Variants in CORO6 observed in about 807,000 individuals in gnomAD.
The protein encoded by CORO6 is coronin-6.
A neutral mutation model predicts 49.0 loss-of-function variants in CORO6; 43 were observed. That is an observed-to-expected ratio of 0.88 (90% CI 0.69 to 1.13). The LOEUF (loss-of-function observed/expected upper bound fraction) is 1.13. CORO6 is among the 50% of genes most tolerant of loss of function. The pLI, the probability that CORO6 is intolerant of heterozygous loss-of-function variation, is 0.00. For missense variants in CORO6, 650 were observed against 647.0 expected (o/e 1.00, Z -0.05); for synonymous variants, 233 against 256.5 (o/e 0.91, Z 0.88).
In CORO6 at chr17:29,615,675, C is replaced by T; in HGVS notation, c.*57G>A. 7.0e-7 allele frequency: 1 copy of T among 1,435,724 alleles called. No homozygotes were observed. Among genetic ancestry groups the T allele is most frequent in the African/African-American group, 1.5e-5 (1 of 68,732 alleles). The allele number at this position is 1,435,724 out of a possible 1,614,324, so 88.9% of individuals were successfully genotyped here. A position where few individuals can be genotyped will look rare whatever the true frequency, so the allele number is the denominator to read the frequency against. On this transcript the variant is annotated 3_prime_UTR_variant, in exon 11 of 11. Coordinates refer to ENST00000388767, the MANE Select transcript of CORO6 (RefSeq NM_032854.4). ...GGGGTCCGGAGTTCGGGACTAAAAG[C>T]CGGGGCGGGGCCGAGCTTGTGCGCC...
intron 6 of CORO6, chr17:29,617,246 T>C (rs781273061): frequency 2.9e-5 from 45 of 1,535,770 alleles, no homozygotes; most frequent in Non-Finnish European, 3.8e-5. Flanking sequence ...ATATACCCGC[T>C]GCGCGCCGCA....
Position 29,616,234 on chromosome 17 carries a change from C to T in CORO6, c.1062+45G>A. ...AGAGGGTGCGGGGCTTGCTCCGCTC[C>T]CTTCCGCCTCGTAGCCCTGCCCAAC... On this transcript the variant is annotated intron_variant, in intron 9 of 10. Transcript: ENST00000388767. The surrounding 1 kb of genome is among the most constrained non-coding windows in gnomAD (Gnocchi z 5.6). 3.7e-6 allele frequency: 6 copies of T among 1,610,604 alleles called. No homozygotes were observed. Among genetic ancestry groups the T allele is most frequent in the Non-Finnish European group, 5.1e-6 (6 of 1,178,268 alleles).
chr17:29,617,307 G>A (rs750922193), intron 6 of CORO6, 193 bp downstream of exon 6: 3 of 1,526,614 alleles, frequency 2.0e-6, no homozygotes, highest in African/African-American at 2.7e-5. Flanking sequence ...AGGTGGGGGC[G>A]CCAGCGCAGG....
intron 6 of CORO6, 93 bp from the exon 7 acceptor site, chr17:29,617,135 C>G: frequency 1.3e-6 from 2 of 1,581,798 alleles, no homozygotes. Context: ...CTGGCCTTCC[C>G]AAACCCTATG....
intron 5 of CORO6, 137 bp downstream of exon 5, chr17:29,618,653 G>A: frequency 7.0e-7 from 1 of 1,430,538 alleles, no homozygotes; most frequent in Non-Finnish European, 9.2e-7. Flanking sequence ...AGAGACGGGG[G>A]AAGGGGGCTA....
At position 29,619,098 on chromosome 17, in the gene CORO6, G is replaced by A; in HGVS notation, c.413C>T (p.Ser138Phe). 2 of 1,613,746 alleles carry A rather than the reference G, an allele frequency of 1.2e-6. No homozygotes were observed. Among genetic ancestry groups the A allele is most frequent in the South Asian group, 1.1e-5 (1 of 91,062 alleles). The stretch of plus-strand genomic sequence containing the variant: ...GACATTCCTGGCAGTAGGGTGCCAG[G>A]AGAGGATGCCCACACGCTTGGAGTG... The part of the protein sequence containing the change: ...EGHSKRVGIL[S>F]WHPTARNVLL... The change falls in exon 4 of 11, where the codon TCC (serine) becomes TTC (phenylalanine). Residue 138 changes from serine to phenylalanine, a missense_variant. Transcript: ENST00000388767.
intron 5 of CORO6, chr17:29,618,243 C>CGTCT: frequency 7.6e-7 from 1 of 1,311,926 alleles, no homozygotes; most frequent in Non-Finnish European, 9.7e-7. Context: ...TCCACGCAGA[C>CGTCT]ATGCACGCGG....
rs1055128829 is a variant in CORO6, at chr17:29,615,200, T to C, written c.*532A>G. 1.3e-5 allele frequency: 2 copies of C among 152,338 alleles called. No individual in the cohort carries two copies. Among genetic ancestry groups the C allele is most frequent in the African/African-American group, 4.8e-5 (2 of 41,456 alleles). 9.4% of individuals were successfully genotyped at this position (152,338 alleles called of 1,614,324 possible). A position where few individuals can be genotyped will look rare whatever the true frequency, so the allele number is the denominator to read the frequency against. On this transcript the variant is annotated 3_prime_UTR_variant, in exon 11 of 11. Coordinates refer to ENST00000388767, the MANE Select transcript of CORO6 (RefSeq NM_032854.4). ...CACAGACCGCTGTGGGTGTAGCCAC[T>C]GGGTCCGGCTCTGCAGCAAACGGGT...
chr17:29,619,738 A>C lies in CORO6; in HGVS notation c.234T>G (p.Thr78=), dbSNP rs1317676404. 6.2e-7 allele frequency: 1 copy of C among 1,613,098 alleles called. No individual in the cohort carries two copies. The highest frequency in any genetic ancestry group is 1.7e-5 in the Admixed American group (1 of 60,006). Residue 78 remains threonine, a synonymous_variant, in exon 3 of 11, where the codon ACT becomes ACG. Coordinates refer to ENST00000388767, the MANE Select transcript of CORO6 (RefSeq NM_032854.4). ...GRVDKNYPLV[T]GHTAPVLDID... is the part of the protein sequence containing the mutation. ...TATCCAGCACAGGGGCAGTGTGCCCAGTGACCAGTGGGTAGTTCTTATCCA... is the reference window on the plus strand; with the variant it reads ...TATCCAGCACAGGGGCAGTGTGCCCCGTGACCAGTGGGTAGTTCTTATCCA...
chr17:29,619,639 C>T lies in CORO6; in HGVS notation c.321+12G>A. ...CTGCTCAACTGCCCAGCAGTAGCCA[C>T]CTGGCTCCTACCATGATGGTGGTGT... is the stretch of plus-strand genomic sequence containing the variant. On this transcript the variant is annotated intron_variant, in intron 3 of 10. Coordinates refer to ENST00000388767, the MANE Select transcript of CORO6 (RefSeq NM_032854.4). 1.2e-6 allele frequency: 2 copies of T among 1,612,722 alleles called. No homozygotes were observed. Among genetic ancestry groups the T allele is most frequent in the Non-Finnish European group, 1.7e-6 (2 of 1,179,286 alleles).
rs940812201 is a variant in CORO6, at chr17:29,618,527, A to G, written c.633+263T>C. On this transcript the variant is annotated intron_variant, in intron 5 of 10. Coordinates refer to ENST00000388767, the MANE Select transcript of CORO6 (RefSeq NM_032854.4). The stretch of plus-strand genomic sequence containing the variant: ...GAGTTTCCAGCTTCTCCCCTCCTCA[A>G]TCCCAAAGCGAGGAGCCCTTCTCTG... The G allele has an allele frequency of 6.7e-6, 9 of 1,345,746 alleles. No individual in the cohort carries two copies. In the African/African-American group the frequency reaches 1.0e-4, roughly 15 times the overall value. The allele number at this position is 1,345,746 out of a possible 1,614,324, so 83.4% of individuals were successfully genotyped here. A position where few individuals can be genotyped will look rare whatever the true frequency, so the allele number is the denominator to read the frequency against.
At chr17:29,619,321 T>A in intron 3 of CORO6, 132 bp from the exon 4 acceptor site, 1 of 1,134,200 alleles carries the variant, frequency 8.8e-7, no homozygotes. Context: ...CAAGATGTGG[T>A]GGTGCATGCC....
At chr17:29,619,543 G>C in intron 3 of CORO6, 108 bp downstream of exon 3, 1 of 1,123,804 alleles carries the variant, frequency 8.9e-7, no homozygotes. Context: ...AGGGCCCTGG[G>C]ACCCAGCACC....
At chr17:29,617,980 C>G (rs2035080721) in intron 5 of CORO6, 1 of 1,318,234 alleles carries the variant, frequency 7.6e-7, no homozygotes, top group Non-Finnish European at 1.0e-6. Context: ...CCAGCCACAG[C>G]CCGGGAAGGC....
rs961677870 is a variant in CORO6, at chr17:29,618,554, G to C, written c.633+236C>G. 12 of 1,376,198 alleles carry C rather than the reference G, an allele frequency of 8.7e-6. 1 individual carries two copies. The East Asian group carries it at 1.1e-4, about 12-fold the overall frequency. 85.2% of individuals were successfully genotyped at this position (1,376,198 alleles called of 1,614,324 possible). On this transcript the variant is annotated intron_variant, in intron 5 of 10. Coordinates refer to ENST00000388767, the MANE Select transcript of CORO6 (RefSeq NM_032854.4). ...CCCAAAGCGAGGAGCCCTTCTCTGA[G>C]CTTCTGAGATGCAAGGGAGGGGAGG...
Position 29,616,640 on chromosome 17 carries a change from G to A in CORO6, c.1004+62C>T, listed in dbSNP as rs899701442. The A allele has an allele frequency of 1.3e-6, 2 of 1,586,816 alleles. No homozygotes were observed. Among genetic ancestry groups the A allele is most frequent in the Non-Finnish European group, 1.7e-6 (2 of 1,160,090 alleles). ...CATTACTGGGGAAGCCCCGTGGCTA[G>A]GACCCGACATGAGTGGGGGACAGAG... On this transcript the variant is annotated intron_variant, in intron 8 of 10. Transcript: ENST00000388767. This position sits in a 1 kb window ranked among gnomAD's most constrained non-coding sequence, Gnocchi z 5.6.
intron 3 of CORO6, 137 bp from the exon 4 acceptor site, chr17:29,619,326 C>A: frequency 9.1e-7 from 1 of 1,104,248 alleles, no homozygotes; most frequent in Non-Finnish European, 1.3e-6. Context: ...TGTGGTGGTG[C>A]ATGCCTAGAA....
At position 29,617,630 on chromosome 17, in the gene CORO6, G is replaced by A; in HGVS notation, c.634-11C>T. 1.9e-6 allele frequency: 3 copies of A among 1,581,880 alleles called. No individual in the cohort carries two copies. In the East Asian group the frequency reaches 6.9e-5, roughly 36 times the overall value. Reference sequence around the variant, plus strand: ...GGCCGCAAACCTCTCCTGGGGGGAGGGGGAGACAGGGAGGGACATCACCCA... The same window carrying A: ...GGCCGCAAACCTCTCCTGGGGGGAGAGGGAGACAGGGAGGGACATCACCCA... On this transcript the variant is annotated splice_polypyrimidine_tract_variant and intron_variant, in intron 5 of 10. Coordinates refer to ENST00000388767, the MANE Select transcript of CORO6 (RefSeq NM_032854.4).
At chr17:29,622,443 G>T (rs1451524955) in intron 1 of CORO6, among the ~76,000 whole-genome samples, 1 of 152,218 alleles carries the variant, frequency 6.6e-6, no homozygotes, top group Non-Finnish European at 1.5e-5. Flanking sequence ...CTGCGGCCCC[G>T]AGCCTGAGGC....
Sources: gnomAD v4.1 joint callset for allele counts (sites outside exome capture counted in the v4.1 genomes callset) on GRCh38, gnomAD v4.1.1 for gene constraint, Gnocchi (gnomAD v3.1) non-coding constraint, MANE v1.5 for transcripts, NCBI Gene and HGNC (gene_info 2026-07-23, HGNC 2026-07-21) for gene names.